TMEM201: variants seen among roughly 807,000 people sequenced by gnomAD.
TMEM201 encodes the protein RP13-15M17.2.
A neutral mutation model predicts 63.4 loss-of-function variants in TMEM201; 26 were observed. The ratio of observed to expected loss-of-function variants is 0.41; its 90% CI spans 0.30 to 0.57. The LOEUF is 0.57. TMEM201 is among the 20% of genes least tolerant of loss of function. The probability of loss-of-function intolerance (pLI) is 0.29; values close to 1 mark genes in which losing one functional copy is unlikely to be tolerated. For missense variants in TMEM201, 794 were observed against 917.7 expected (o/e 0.87, Z 1.74); for synonymous variants, 417 against 421.6 (o/e 0.99, Z 0.14).
In TMEM201 at chr1:9,601,470, G is replaced by C; in HGVS notation, c.956+16G>C. The stretch of plus-strand genomic sequence containing the variant: ...GCCGCATCAGGTGTGCATGGGGCCA[G>C]GGCCAGGAGTTGGCGGGCAGGGGAC... On this transcript the variant is annotated intron_variant, in intron 5 of 10. Coordinates refer to ENST00000340381, the MANE Select transcript of TMEM201 (RefSeq NM_001130924.3). 1.3e-6 allele frequency: 2 copies of C among 1,566,856 alleles called. No individual in the cohort carries two copies. The highest frequency in any genetic ancestry group is 1.7e-6 in the Non-Finnish European group (2 of 1,160,414).
Position 9,602,085 on chromosome 1 carries a change from G to T in TMEM201, c.973G>T (p.Ala325Ser), listed in dbSNP as rs750215024. The T allele has an allele frequency of 6.2e-7, 1 of 1,611,934 alleles. No individual in the cohort carries two copies. The highest frequency in any genetic ancestry group is 8.5e-7 in the Non-Finnish European group (1 of 1,179,252). ...AGRIRLRRID[A>S]FCTCLWALLL... ...CCCTTTCAGGCTCCGGAGGATCGAT[G>T]CCTTCTGCACCTGCCTGTGGGCCCT... Residue 325 changes from alanine to serine, a missense_variant, in exon 6 of 11, where the codon GCC becomes TCC. By Grantham distance (99) the Ala-to-Ser change is moderately conservative (BLOSUM62 1). Coordinates refer to ENST00000340381, the MANE Select transcript of TMEM201 (RefSeq NM_001130924.3).
chr1:9,600,568 G>A, intron 4 of TMEM201, among the ~76,000 whole-genome samples: 1 of 152,186 alleles, frequency 6.6e-6, no homozygotes, highest in Admixed American at 6.5e-5. Flanking sequence ...GAAGGGGCCT[G>A]GGGAGCAGGG....
rs1421362383 is a variant in TMEM201, at chr1:9,608,419, G to A, written c.1393+630G>A. On this transcript the variant is annotated intron_variant, in intron 7 of 10. Transcript: ENST00000340381. The surrounding 1 kb of genome is among the most constrained non-coding windows in gnomAD (Gnocchi z 4.3). ...AAGGGGGCCACTCTAGTTATTCTAG[G>A]GGAGGAGATGCTGATAACAGCCAAG... is the stretch of plus-strand genomic sequence containing the variant. Among the ~76,000 whole-genome samples, 1 of 152,170 alleles carries A rather than the reference G, an allele frequency of 6.6e-6. No individual in the cohort carries two copies. Among genetic ancestry groups the A allele is most frequent in the Non-Finnish European group, 1.5e-5 (1 of 68,024 alleles).
At chr1:9,591,071 G>A (rs370789976) in intron 1 of TMEM201, among the ~76,000 whole-genome samples, 30 of 152,324 alleles carry the variant, frequency 2.0e-4, no homozygotes, top group Middle Eastern at 3.4e-3. Flanking sequence ...TGGCTGAGGC[G>A]CATGGGAAGG....
rs1467452958 is a variant in TMEM201 at position 9,596,922 on chromosome 1, A to G, written c.298A>G (p.Ser100Gly). 2 of 1,612,258 alleles carry G rather than the reference A, an allele frequency of 1.2e-6. No homozygotes were observed. Among genetic ancestry groups the G allele is most frequent in the Middle Eastern group, 1.7e-4 (1 of 6,058 alleles). ...YLEHLNHVVS[S>G]APSLRDPSQP... is the part of the protein sequence containing the mutation. ...GGAGCACCTGAACCACGTGGTGAGCAGCGCGCCCAGCCTGCGCGACCCTTC... is the reference window on the plus strand; with the variant it reads ...GGAGCACCTGAACCACGTGGTGAGCGGCGCGCCCAGCCTGCGCGACCCTTC... The change falls in exon 3 of 11, where the codon AGC (serine) becomes GGC (glycine). Residue 100 changes from serine (S) to glycine (G), a missense_variant. Transcript: ENST00000340381.
rs912644099 is a variant in TMEM201 at position 9,604,469 on chromosome 1, T to C, written c.1160+2197T>C. Reference sequence around the variant, plus strand: ...GAGAAAATTCCAGCACCAAGTGTTGTGGCAACAGCTGAGAGAGTGCAGGCA... The same window carrying C: ...GAGAAAATTCCAGCACCAAGTGTTGCGGCAACAGCTGAGAGAGTGCAGGCA... On this transcript the variant is annotated intron_variant, in intron 6 of 10. Coordinates refer to ENST00000340381, the MANE Select transcript of TMEM201 (RefSeq NM_001130924.3). The surrounding 1 kb of genome is among the most constrained non-coding windows in gnomAD (Gnocchi z 4.1). 1.4e-5 allele frequency: 14 copies of C among 985,348 alleles called. No homozygotes were observed. The highest frequency in any genetic ancestry group is 1.7e-5 in the African/African-American group (1 of 57,246). The allele number at this position is 985,348 out of a possible 1,614,324, so 61.0% of individuals were successfully genotyped here. A position where few individuals can be genotyped will look rare whatever the true frequency, so the allele number is the denominator to read the frequency against.
At chr1:9,597,132 G>C (rs752829450) in intron 3 of TMEM201, 79 bp downstream of exon 3, 2 of 1,481,564 alleles carry the variant, frequency 1.3e-6, no homozygotes, top group Non-Finnish European at 1.8e-6. Flanking sequence ...GCACGTGCAG[G>C]GTGCTGACTC....
At position 9,614,404 on chromosome 1, in the gene TMEM201, T is replaced by C. The variant is rs915899573; in HGVS notation, c.*1321T>C. Reference sequence around the variant, plus strand: ...GCTTTTTTAATACTTTTTTTTTTAATGTGGGGAAGGAGCTTGCTCTGACGT... The same window carrying C: ...GCTTTTTTAATACTTTTTTTTTTAACGTGGGGAAGGAGCTTGCTCTGACGT... On this transcript the variant is annotated 3_prime_UTR_variant, in exon 11 of 11. Transcript: ENST00000340381. 1 of 152,016 alleles carries C rather than the reference T, an allele frequency of 6.6e-6. No individual in the cohort carries two copies. The highest frequency in any genetic ancestry group is 1.5e-5 in the Non-Finnish European group (1 of 67,992). 9.4% of individuals were successfully genotyped at this position (152,016 alleles called of 1,614,324 possible). A position where few individuals can be genotyped will look rare whatever the true frequency, so the allele number is the denominator to read the frequency against.
rs1242095898 is a variant in TMEM201 at position 9,601,093 on chromosome 1, C to T, written c.607-12C>T. 3.4e-5 allele frequency: 53 copies of T among 1,572,948 alleles called. No individual in the cohort carries two copies. The highest frequency in any genetic ancestry group is 4.4e-5 in the Non-Finnish European group (51 of 1,152,852). ...GCCGTCTCACTAACCCGCCTCTCTTCCTCCTTTGCAGAACTTCTCCTCCGC... is the reference window on the plus strand; with the variant it reads ...GCCGTCTCACTAACCCGCCTCTCTTTCTCCTTTGCAGAACTTCTCCTCCGC... On this transcript the variant is annotated splice_polypyrimidine_tract_variant and intron_variant, in intron 4 of 10. Coordinates refer to ENST00000340381, the MANE Select transcript of TMEM201 (RefSeq NM_001130924.3).
Position 9,613,482 on chromosome 1 carries a change from G to A in TMEM201, c.*399G>A, listed in dbSNP as rs140753727. 5.3e-5 allele frequency: 14 copies of A among 262,840 alleles called. 1 individual carries two copies. The highest frequency in any genetic ancestry group is 5.3e-4 in the East Asian group (6 of 11,298). 16.3% of individuals were successfully genotyped at this position (262,840 alleles called of 1,614,324 possible). On this transcript the variant is annotated 3_prime_UTR_variant, in exon 11 of 11. Coordinates refer to ENST00000340381, the MANE Select transcript of TMEM201 (RefSeq NM_001130924.3). ...GCCTTCTGGCCCCACGCCCACAGGCGTAGTCACATCTTTGTACTGTACTCC... is the reference window on the plus strand; with the variant it reads ...GCCTTCTGGCCCCACGCCCACAGGCATAGTCACATCTTTGTACTGTACTCC...
Position 9,602,075 on chromosome 1 carries a change from G to A in TMEM201, c.963G>A (p.Arg321=). ...CCCGCTGCTTCCCTTTCAGGCTCCG[G>A]AGGATCGATGCCTTCTGCACCTGCC... The part of the protein sequence containing the change: ...AMLLAGRIRL[R]RIDAFCTCLW... The change falls in exon 6 of 11, where the codon CGG becomes CGA. Residue 321 remains arginine (R), a synonymous_variant. Transcript: ENST00000340381. 6.2e-7 allele frequency: 1 copy of A among 1,611,288 alleles called. No homozygotes were observed. Among genetic ancestry groups the A allele is most frequent in the Non-Finnish European group, 8.5e-7 (1 of 1,178,918 alleles).
intron 6 of TMEM201, among the ~76,000 whole-genome samples, chr1:9,606,925 C>G (rs1213458656): frequency 2.0e-5 from 3 of 152,166 alleles, no homozygotes; most frequent in Non-Finnish European, 4.4e-5. Flanking sequence ...CTGGCTGCCC[C>G]CCAGTTCTGC....
At chr1:9,612,741 C>T (rs1043060782) in intron 10 of TMEM201, among the ~76,000 whole-genome samples, 1 of 152,156 alleles carries the variant, frequency 6.6e-6, no homozygotes, top group South Asian at 2.1e-4. Context: ...ACAGCCCAGC[C>T]CATGGCCTTC....
At chr1:9,611,676 T>G (rs1644325930) in intron 9 of TMEM201, 77 bp from the exon 10 acceptor site, 9 of 1,535,424 alleles carry the variant, frequency 5.9e-6, no homozygotes, top group Non-Finnish European at 7.0e-6. Flanking sequence ...GTCCTTAGAG[T>G]GGAAGTACAG....
intron 9 of TMEM201, chr1:9,611,152 C>T (rs897793483): frequency 2.1e-6 from 2 of 959,314 alleles, no homozygotes; most frequent in South Asian, 1.5e-5. Flanking sequence ...TAGCCCCCAG[C>T]CTTTAAAACC....
rs1391214803 is a variant in TMEM201, at chr1:9,604,709, C to T, written c.1160+2437C>T. On this transcript the variant is annotated intron_variant, in intron 6 of 10. Coordinates refer to ENST00000340381, the MANE Select transcript of TMEM201 (RefSeq NM_001130924.3). The surrounding 1 kb of genome is among the most constrained non-coding windows in gnomAD (Gnocchi z 4.1). ...CCCAGGCCAAGCCGGCCCCCCGTAC[C>T]CCTTGCCTGGGAGCAAACCGCCAGG... 3.1e-5 allele frequency: 31 copies of T among 985,900 alleles called. No individual in the cohort carries two copies. The highest frequency in any genetic ancestry group is 3.7e-5 in the Non-Finnish European group (31 of 830,082). The allele number at this position is 985,900 out of a possible 1,614,324, so 61.1% of individuals were successfully genotyped here. A position where few individuals can be genotyped will look rare whatever the true frequency, so the allele number is the denominator to read the frequency against.
rs1486559612 is a variant in TMEM201, at chr1:9,607,757, C to T, written c.1361C>T (p.Ser454Phe). 1 of 1,551,706 alleles carries T rather than the reference C, an allele frequency of 6.4e-7. No homozygotes were observed. Among genetic ancestry groups the T allele is most frequent in the South Asian group, 1.2e-5 (1 of 84,066 alleles). The change falls in exon 7 of 11, where the codon TCT becomes TTT. Residue 454 changes from serine to phenylalanine, a missense_variant. Ser to Phe is a radical substitution (Grantham distance 155). Coordinates refer to ENST00000340381, the MANE Select transcript of TMEM201 (RefSeq NM_001130924.3). This position sits in a 1 kb window ranked among gnomAD's most constrained non-coding sequence, Gnocchi z 5.4. ...SLPGRLSRAL[S>F]LGTIPSLTRA... ...CCTGGCCGCCTCAGCCGGGCCCTCT[C>T]TCTGGGAACCATACCCTCTCTGACT... is the stretch of plus-strand genomic sequence containing the variant.
rs1330038494 is a variant in TMEM201 at position 9,610,525 on chromosome 1, G to A, written c.1485G>A (p.Ser495=). 10 of 1,537,196 alleles carry A rather than the reference G, an allele frequency of 6.5e-6. No individual in the cohort carries two copies. The highest frequency in any genetic ancestry group is 4.1e-5 in the African/African-American group (3 of 72,752). ...FPVSDYFSLL[S]GSCPSSPLPS... is the part of the protein sequence containing the mutation. ...CTCCAGATTACTTCTCTCTTCTGTC[G>A]GGGAGCTGCCCCTCCTCCCCACTCC... The change falls in exon 9 of 11, where the codon TCG becomes TCA. Residue 495 remains serine, a synonymous_variant. Transcript: ENST00000340381. This position sits in a 1 kb window ranked among gnomAD's most constrained non-coding sequence, Gnocchi z 4.9.
In TMEM201 at chr1:9,608,813, G is replaced by A. The variant is rs2100519392; in HGVS notation, c.1393+1024G>A. 6.6e-6 allele frequency among the ~76,000 whole-genome samples: 1 copy of A among 152,296 alleles called. No homozygotes were observed. The highest frequency in any genetic ancestry group is 2.4e-5 in the African/African-American group (1 of 41,564). ...AGGCTCAAGGCAGGGACACAGTAGC[G>A]ACCTGTCTGAGGTAGCAGCAGAGGT... On this transcript the variant is annotated intron_variant, in intron 7 of 10. Transcript: ENST00000340381. The surrounding 1 kb of genome is among the most constrained non-coding windows in gnomAD (Gnocchi z 4.3).
Sources: gnomAD v4.1 joint callset for allele counts (sites outside exome capture counted in the v4.1 genomes callset) on GRCh38, gnomAD v4.1.1 for gene constraint, Gnocchi (gnomAD v3.1) non-coding constraint, MANE v1.5 for transcripts, NCBI Gene and HGNC (gene_info 2026-07-23, HGNC 2026-07-21) for gene names.